PTBP3: variants seen among roughly 807,000 people sequenced by gnomAD.
PTBP3 encodes the protein polypyrimidine tract-binding protein 3.
Under a neutral mutation model 58.7 loss-of-function variants are expected in PTBP3, and 20 were observed. The ratio of observed to expected loss-of-function variants is 0.34; its 90% confidence interval spans 0.24 to 0.50. PTBP3 has a LOEUF of 0.50. Ranked by LOEUF, PTBP3 falls within the 20% of genes least tolerant of loss-of-function variation. The probability of loss-of-function intolerance (pLI) is 0.98; values close to 1 mark genes in which losing one functional copy is unlikely to be tolerated. For synonymous variants in PTBP3, 185 were observed against 219.8 expected (o/e 0.84, Z 1.40); for missense variants, 509 against 637.2 (o/e 0.80, Z 2.17).
intron 10 of PTBP3, 59 bp from the exon 11 acceptor site, chr9:112,228,531 T>A: frequency 1.6e-6 from 2 of 1,213,574 alleles, no homozygotes; most frequent in Non-Finnish European, 2.3e-6. Context: ...GTTTAATTAA[T>A]TTTACTAATA....
intron 4 of PTBP3, among the ~76,000 whole-genome samples, chr9:112,265,980 A>C (rs891833978): frequency 2.0e-5 from 3 of 152,180 alleles, no homozygotes; most frequent in Non-Finnish European, 1.5e-5. Flanking sequence ...GGTGTACTAG[A>C]TCTTTCTGAG....
chr9:112,252,901 C>G (rs1034319259), intron 5 of PTBP3, 113 bp from the exon 6 acceptor site: 2 of 668,266 alleles, frequency 3.0e-6, no homozygotes, highest in Non-Finnish European at 5.0e-6. Context: ...CTCTTGAAAA[C>G]TTTGGTACCA....
chr9:112,234,711 T>C (rs973745382), intron 8 of PTBP3, 109 bp downstream of exon 8: 3 of 1,035,054 alleles, frequency 2.9e-6, no homozygotes, highest in Non-Finnish European at 4.3e-6. Flanking sequence ...ATATGCATAA[T>C]GCTTTATGGT....
At chr9:112,370,239 GT>G in the PTBP3 span, among the ~76,000 whole-genome samples, 1 of 152,128 alleles carries the variant, frequency 6.6e-6, no homozygotes, top group Non-Finnish European at 1.5e-5. Flanking sequence ...CTTATAGTAA[GT>G]TTTAAAATAT....
At chr9:112,330,100 C>A (rs906897046) in intron 1 of PTBP3, among the ~76,000 whole-genome samples, 4 of 152,104 alleles carry the variant, frequency 2.6e-5, no homozygotes, top group African/African-American at 9.7e-5. Context: ...AACCCGCCCA[C>A]CTCTCAGCCT....
At chr9:112,320,304 A>ATC (rs1829881267) in intron 1 of PTBP3, among the ~76,000 whole-genome samples, 1 of 54,176 alleles carries the variant, frequency 1.8e-5, no homozygotes, top group Non-Finnish European at 3.1e-5. Context: ...ATATATATAT[A>ATC]TATATATATA....
the PTBP3 span, among the ~76,000 whole-genome samples, chr9:112,350,714 CATT>C: frequency 4.6e-5 from 7 of 152,192 alleles, no homozygotes; most frequent in African/African-American, 1.7e-4. Flanking sequence ...AAACAACAAA[CATT>C]ATCTCACACT....
At chr9:112,377,831 T>C in the PTBP3 span, among the ~76,000 whole-genome samples, 5 of 152,352 alleles carry the variant, frequency 3.3e-5, 1 homozygote, top group South Asian at 1.0e-3. Context: ...ACCAGAAATC[T>C]GAAGGTCACC....
At chr9:112,328,866 G>C (rs1163156125) in intron 1 of PTBP3, among the ~76,000 whole-genome samples, 2 of 152,166 alleles carry the variant, frequency 1.3e-5, no homozygotes, top group Admixed American at 6.5e-5. Context: ...TTGCTAACAA[G>C]AAGAGATGAT....
At chr9:112,331,845 G>C (rs942079654) in intron 1 of PTBP3, among the ~76,000 whole-genome samples, 1 of 152,166 alleles carries the variant, frequency 6.6e-6, no homozygotes, top group Non-Finnish European at 1.5e-5. Flanking sequence ...TTATCCTACA[G>C]TTTAACAGCA....
chr9:112,259,348 T>G (rs1836499357), intron 5 of PTBP3, among the ~76,000 whole-genome samples: 1 of 152,214 alleles, frequency 6.6e-6, no homozygotes, highest in Admixed American at 6.5e-5. Flanking sequence ...GTTTCCCATC[T>G]TACCCAATAT....
At position 112,283,141 on chromosome 9, in the gene PTBP3, C is replaced by T. The variant is rs867206951; in HGVS notation, c.35-7128G>A. Reference sequence around the variant, plus strand: ...TATAAATTATCCAGTCTCAGCAGCTCTTTATAGCAGTGTGAGAACAGACTA... The same window carrying T: ...TATAAATTATCCAGTCTCAGCAGCTTTTTATAGCAGTGTGAGAACAGACTA... On this transcript the variant is annotated intron_variant, in intron 2 of 13. Coordinates refer to ENST00000374257, the MANE Select transcript of PTBP3 (RefSeq NM_001163788.4). 2.0e-5 allele frequency among the ~76,000 whole-genome samples: 3 copies of T among 152,294 alleles called. No individual in the cohort carries two copies. The South Asian group carries it at 6.2e-4, about 32-fold the overall frequency.
chr9:112,222,337 G>A lies in PTBP3; in HGVS notation c.*1514C>T, dbSNP rs1164868768. 4 of 982,244 alleles carry A rather than the reference G, an allele frequency of 4.1e-6. No homozygotes were observed. Among genetic ancestry groups the A allele is most frequent in the Non-Finnish European group, 4.8e-6 (4 of 826,698 alleles). The allele number at this position is 982,244 out of a possible 1,614,324, so 60.8% of individuals were successfully genotyped here. ...ATTCAATGAAAAAGAGAGGGACAGA[G>A]TATGAGAAATAACCCACCTTCTCAT... is the stretch of plus-strand genomic sequence containing the variant. On this transcript the variant is annotated 3_prime_UTR_variant, in exon 14 of 14. Transcript: ENST00000374257.
intron 5 of PTBP3, among the ~76,000 whole-genome samples, chr9:112,253,956 T>C (rs1379035703): frequency 1.3e-5 from 2 of 152,178 alleles, no homozygotes; most frequent in African/African-American, 4.8e-5. Context: ...CATTTTAAAT[T>C]TGAATCTTAA....
chr9:112,320,877 G>C (rs1674957925), intron 1 of PTBP3, among the ~76,000 whole-genome samples: 1 of 152,136 alleles, frequency 6.6e-6, no homozygotes, highest in South Asian at 2.1e-4. Context: ...AGATACATCT[G>C]AGACCTAAAC....
chr9:112,364,839 A>C, the PTBP3 span, among the ~76,000 whole-genome samples: 14 of 152,186 alleles, frequency 9.2e-5, no homozygotes, highest in African/African-American at 3.4e-4. Context: ...GCATACTTAC[A>C]TACATTACCA....
chr9:112,240,034 C>A (rs7021564), intron 7 of PTBP3, among the ~76,000 whole-genome samples: 84,464 of 151,758 alleles, frequency 0.56, 25,208 homozygotes, highest in African/African-American at 0.79. Context: ...TTGGAACACA[C>A]CTAATATGTT....
At chr9:112,314,998 A>AT (rs1829645311) in intron 1 of PTBP3, among the ~76,000 whole-genome samples, 1 of 152,018 alleles carries the variant, frequency 6.6e-6, no homozygotes. Context: ...TGCCCGGCTA[A>AT]TTTTTTGTAT....
rs1834804641 is a variant in PTBP3 at position 112,221,482 on chromosome 9, T to C, written c.*2369A>G. 1 of 985,236 alleles carries C rather than the reference T, an allele frequency of 1.0e-6. No individual in the cohort carries two copies. The allele number at this position is 985,236 out of a possible 1,614,324, so 61.0% of individuals were successfully genotyped here. On this transcript the variant is annotated 3_prime_UTR_variant, in exon 14 of 14. Coordinates refer to ENST00000374257, the MANE Select transcript of PTBP3 (RefSeq NM_001163788.4). ...ATAAATTACACAGTAATTCCTAACT[T>C]AAAGTAAATGAAATAATCCAATTTA... is the stretch of plus-strand genomic sequence containing the variant.
Sources: allele counts gnomAD v4.1 joint callset (sites outside exome capture counted in the v4.1 genomes callset), GRCh38; gene constraint gnomAD v4.1.1; transcripts MANE v1.5; gene names NCBI Gene and HGNC (gene_info 2026-07-23, HGNC 2026-07-21).